The following GAS7 variants were observed in gnomAD, a reference collection of about 807,000 sequenced individuals.
The protein encoded by GAS7 is growth arrest-specific protein 7.
A neutral mutation model predicts 71.1 loss-of-function variants in GAS7; 28 were observed. The observed-to-expected ratio is 0.39, with a 90% CI of 0.29 to 0.54. GAS7 has a LOEUF of 0.54. GAS7 is among the 20% of genes least tolerant of loss of function. The pLI is 0.62. For missense variants in GAS7, 436 were observed against 627.8 expected (o/e 0.69, Z 3.27); for synonymous variants, 258 against 245.8 (o/e 1.05, Z -0.46).
chr17:10,157,281 C>T (rs545831064), intron 1 of GAS7, among the ~76,000 whole-genome samples: 2 of 152,158 alleles, frequency 1.3e-5, no homozygotes, highest in Middle Eastern at 3.4e-3. Flanking sequence ...AACCTTGGAG[C>T]TGACGAGGGG....
At chr17:10,031,206 G>A (rs1400711893) in intron 1 of GAS7, among the ~76,000 whole-genome samples, 1 of 152,226 alleles carries the variant, frequency 6.6e-6, no homozygotes, top group Non-Finnish European at 1.5e-5. Context: ...ACATCCCTGA[G>A]GGCCAGTCAA....
intron 2 of GAS7, among the ~76,000 whole-genome samples, chr17:9,997,046 A>G (rs1416709917): frequency 6.6e-6 from 1 of 152,164 alleles, no homozygotes; most frequent in Non-Finnish European, 1.5e-5. Context: ...CCAAGGGGAA[A>G]AAGACCAGAA....
At chr17:10,063,265 CGTGT>C (rs57484545) in intron 1 of GAS7, among the ~76,000 whole-genome samples, 2 of 152,336 alleles carry the variant, frequency 1.3e-5, no homozygotes, top group African/African-American at 4.8e-5. Context: ...GCACCTGGCA[CGTGT>C]GTGTGCGCGC....
intron 1 of GAS7, among the ~76,000 whole-genome samples, chr17:10,158,033 C>T (rs768034085): frequency 8.5e-5 from 13 of 152,070 alleles, no homozygotes; most frequent in South Asian, 8.3e-4. Context: ...TTTTTTGAGA[C>T]GGAGTCTCGC....
intron 1 of GAS7, among the ~76,000 whole-genome samples, chr17:10,135,808 C>G (rs2074033203): frequency 6.6e-6 from 1 of 152,128 alleles, no homozygotes; most frequent in Non-Finnish European, 1.5e-5. Flanking sequence ...AATGCTCAGG[C>G]CTGGATGCCT....
chr17:10,110,555 TC>T (rs1222983863), intron 1 of GAS7, among the ~76,000 whole-genome samples: 1 of 152,154 alleles, frequency 6.6e-6, no homozygotes, highest in Non-Finnish European at 1.5e-5. Context: ...AACCTCCGTC[TC>T]CCGGGTTCAA....
In GAS7 at chr17:10,059,374, G is replaced by A. The variant is rs902374071; in HGVS notation, c.184-39477C>T. ...AAACAGGAAACTGAGGTAAATCCCC[G>A]GAAATCAAGAAAAACTCACTTCCCA... On this transcript the variant is annotated intron_variant, in intron 1 of 13. Coordinates refer to ENST00000432992, the MANE Select transcript of GAS7 (RefSeq NM_201433.2). 4.6e-5 allele frequency among the ~76,000 whole-genome samples: 7 copies of A among 152,276 alleles called. No individual in the cohort carries two copies. The South Asian group carries it at 6.2e-4, about 14-fold the overall frequency.
At chr17:10,043,760 A>G (rs769407364) in intron 1 of GAS7, among the ~76,000 whole-genome samples, 1 of 152,268 alleles carries the variant, frequency 6.6e-6, no homozygotes, top group Non-Finnish European at 1.5e-5. Flanking sequence ...CTCTACAAAA[A>G]TAAGTGAAGA....
intron 3 of GAS7, among the ~76,000 whole-genome samples, chr17:9,972,236 T>C (rs539705573): frequency 3.3e-5 from 5 of 152,214 alleles, no homozygotes; most frequent in African/African-American, 1.2e-4. Context: ...ATCCACCCGC[T>C]ATGAAGGCAG....
chr17:9,954,332 G>A (rs1049933814), intron 5 of GAS7, among the ~76,000 whole-genome samples: 19 of 152,206 alleles, frequency 1.2e-4, no homozygotes, highest in African/African-American at 4.6e-4. Context: ...GCAGGACAGC[G>A]GGGGCCACAG....
chr17:9,964,683 G>T (rs2069635254), intron 4 of GAS7, among the ~76,000 whole-genome samples: 1 of 152,076 alleles, frequency 6.6e-6, no homozygotes, highest in South Asian at 2.1e-4. Flanking sequence ...ACCAGGCTAG[G>T]TTCTCACAGC....
At chr17:10,173,619 T>A (rs1388435227) in intron 1 of GAS7, among the ~76,000 whole-genome samples, 2 of 151,958 alleles carry the variant, frequency 1.3e-5, no homozygotes, top group Admixed American at 1.3e-4. Context: ...ATACAAAAAA[T>A]TAGCCGGGTG....
chr17:10,070,863 G>C (rs2073333400), intron 1 of GAS7, among the ~76,000 whole-genome samples: 1 of 151,950 alleles, frequency 6.6e-6, no homozygotes, highest in Admixed American at 6.6e-5. Context: ...CGAAGGAAGA[G>C]CATACAGAGA....
At chr17:10,192,050 G>A (rs7223987) in intron 1 of GAS7, among the ~76,000 whole-genome samples, 7,900 of 152,110 alleles carry the variant, frequency 0.052, 485 homozygotes, top group East Asian at 0.22. Flanking sequence ...GACAGAAAAC[G>A]TGAAGAAAGG....
intron 2 of GAS7, among the ~76,000 whole-genome samples, chr17:10,002,933 G>C (rs1366277870): frequency 6.6e-6 from 1 of 152,186 alleles, no homozygotes; most frequent in Non-Finnish European, 1.5e-5. Context: ...CCCAGCAATA[G>C]GATGGCTGGG....
At chr17:9,918,205 C>G (rs923820047) in intron 12 of GAS7, 106 bp from the exon 13 acceptor site, 7 of 718,820 alleles carry the variant, frequency 9.7e-6, no homozygotes, top group Non-Finnish European at 1.7e-5. Context: ...ACATTCTGTC[C>G]CATCTGACTC....
At chr17:10,147,734 C>A (rs2142103876) in intron 1 of GAS7, among the ~76,000 whole-genome samples, 1 of 152,228 alleles carries the variant, frequency 6.6e-6, no homozygotes, top group East Asian at 1.9e-4. Flanking sequence ...TGCCAAAGAT[C>A]CAAATATGAT....
intron 1 of GAS7, among the ~76,000 whole-genome samples, chr17:10,126,018 G>A (rs1349425211): frequency 2.0e-5 from 3 of 152,130 alleles, no homozygotes; most frequent in Non-Finnish European, 2.9e-5. Context: ...TGAAGCCTGC[G>A]CTGATGTGTT....
intron 11 of GAS7, among the ~76,000 whole-genome samples, chr17:9,920,996 T>C (rs2067785498): frequency 6.6e-6 from 1 of 152,130 alleles, no homozygotes; most frequent in Non-Finnish European, 1.5e-5. Flanking sequence ...CCCCTAGCTA[T>C]GCCACACACC....
Sources: gnomAD v4.1 joint callset for allele counts (sites outside exome capture counted in the v4.1 genomes callset) on GRCh38, gnomAD v4.1.1 for gene constraint, MANE v1.5 for transcripts, NCBI Gene and HGNC (gene_info 2026-07-23, HGNC 2026-07-21) for gene names.